The following CEP112 variants were observed in gnomAD, a reference collection of about 807,000 sequenced individuals.
CEP112 encodes the protein centrosomal protein 112, also known as centrosomal protein of 112 kDa.
A neutral mutation model predicts 153.0 loss-of-function variants in CEP112; 127 were observed. The ratio of observed to expected loss-of-function variants is 0.83; its 90% confidence interval spans 0.72 to 0.96. CEP112 has a LOEUF of 0.96. CEP112 is among the 40% of genes least tolerant of loss of function. CEP112 has a pLI of 0.00. For synonymous variants in CEP112, 358 were observed against 374.4 expected, an observed-to-expected ratio of 0.96 and a Z score of 0.51; for missense variants, 1,089 against 1,101.2, an observed-to-expected ratio of 0.99 and a Z score of 0.16.
intron 23 of CEP112, among the ~76,000 whole-genome samples, chr17:65,740,499 G>C (rs556357780): frequency 7.5e-4 from 114 of 152,232 alleles, no homozygotes; most frequent in Middle Eastern, 3.4e-3. Flanking sequence ...CACCTGACTG[G>C]TGACCCTTTA....
intron 10 of CEP112, among the ~76,000 whole-genome samples, chr17:66,065,284 C>G (rs2067072145): frequency 6.6e-6 from 1 of 152,158 alleles, no homozygotes; most frequent in Non-Finnish European, 1.5e-5. Context: ...CTGATCTCAC[C>G]ATTTTATAAT....
At chr17:66,062,845 T>A (rs1300903414) in intron 11 of CEP112, 118 bp downstream of exon 11, 1 of 481,972 alleles carries the variant, frequency 2.1e-6, no homozygotes, top group East Asian at 3.5e-5. Flanking sequence ...CAGCCTGGAA[T>A]TTTAGTTATT....
chr17:66,152,033 C>T (rs913139772), intron 4 of CEP112, among the ~76,000 whole-genome samples: 1 of 152,134 alleles, frequency 6.6e-6, no homozygotes, highest in East Asian at 1.9e-4. Context: ...AATGAAAACA[C>T]GTATAGCTAG....
intron 23 of CEP112, among the ~76,000 whole-genome samples, chr17:65,741,381 A>C (rs1335122380): frequency 6.6e-6 from 1 of 152,098 alleles, no homozygotes; most frequent in East Asian, 1.9e-4. Context: ...TGTATAATCT[A>C]AGTGAGTGAA....
At chr17:65,739,984 TATAG>T (rs948040132) in intron 23 of CEP112, among the ~76,000 whole-genome samples, 80 of 152,304 alleles carry the variant, frequency 5.3e-4, no homozygotes, top group African/African-American at 1.9e-3. Flanking sequence ...ATAGTTTAAA[TATAG>T]ATAAAATTAA....
chr17:65,845,999 A>G (rs973698249), intron 21 of CEP112, among the ~76,000 whole-genome samples: 1 of 152,198 alleles, frequency 6.6e-6, no homozygotes, highest in African/African-American at 2.4e-5. Context: ...TGCTACTGAA[A>G]CAACACAGAC....
At chr17:65,835,936 A>G (rs2057290229) in intron 21 of CEP112, among the ~76,000 whole-genome samples, 1 of 152,250 alleles carries the variant, frequency 6.6e-6, no homozygotes. Flanking sequence ...CAATATAAGA[A>G]GATTCAAATT....
chr17:66,157,052 G>A (rs2071474899), intron 4 of CEP112, among the ~76,000 whole-genome samples: 1 of 152,042 alleles, frequency 6.6e-6, no homozygotes, highest in African/African-American at 2.4e-5. Flanking sequence ...TCCTCAAGAA[G>A]AGCAACCCCA....
chr17:65,850,155 A>T (rs1359849884), intron 21 of CEP112, among the ~76,000 whole-genome samples: 1 of 143,656 alleles, frequency 7.0e-6, no homozygotes, highest in Non-Finnish European at 1.5e-5. Context: ...CTCTGTCTCA[A>T]AAAAAAAAAA....
chr17:65,902,178 G>A lies in CEP112; in HGVS notation c.2137C>T (p.Gln713Ter). 3 of 1,613,524 alleles carry A rather than the reference G, an allele frequency of 1.9e-6. No homozygotes were observed. Among genetic ancestry groups the A allele is most frequent in the Non-Finnish European group, 2.5e-6 (3 of 1,179,804 alleles). ...AANMEHENQIQEFKKRDAQVI... is the reference protein window; with the variant it reads ...AANMEHENQI Reference sequence around the variant, plus strand: ...TGTGCATCTCGTTTCTTGAACTCCTGAATTTGATTTTCGTGCTCCATATTG... The same window carrying A: ...TGTGCATCTCGTTTCTTGAACTCCTAAATTTGATTTTCGTGCTCCATATTG... Residue 713 changes from glutamine to a stop codon, truncating the protein, a stop_gained, in exon 20 of 27, where the codon CAG (glutamine) becomes TAG (stop). Transcript: ENST00000535342. LOFTEE classifies it high-confidence loss of function.
chr17:65,954,954 A>G (rs7218208), intron 18 of CEP112, among the ~76,000 whole-genome samples: 74,419 of 152,036 alleles, frequency 0.49, 19,119 homozygotes, highest in East Asian at 0.89. Context: ...GGAATAATTT[A>G]GGAAAACTTC....
rs564979669 is a variant in CEP112, at chr17:66,007,426, C to T, written c.1657-1657G>A. 7.2e-5 allele frequency among the ~76,000 whole-genome samples: 11 copies of T among 152,260 alleles called. 1 individual carries two copies. In the South Asian group the frequency reaches 2.3e-3, roughly 32 times the overall value. On this transcript the variant is annotated intron_variant, in intron 16 of 26. Coordinates refer to ENST00000535342, the MANE Select transcript of CEP112 (RefSeq NM_001199165.4). The stretch of plus-strand genomic sequence containing the variant: ...AAGAAGTCTGCTGTTCAAGTTTTTA[C>T]CATGTTCAAGTGTTTAATTATTATT...
rs1438171207 is a variant in CEP112 at position 65,750,698 on chromosome 17, C to G, written c.2421G>C (p.Glu807Asp). Residue 807 changes from glutamate to aspartate, a missense_variant, in exon 22 of 27, where the codon GAG becomes GAC. Transcript: ENST00000535342. ...EKANSKLKQIEKEYTQKLAKS... is the reference protein window; with the variant it reads ...EKANSKLKQIDKEYTQKLAKS... ...TGGCAAGCTTCTGAGTGTATTCCTTCTCAATCTGCTTCAGCTTGCTGTTGG... is the reference window on the plus strand; with the variant it reads ...TGGCAAGCTTCTGAGTGTATTCCTTGTCAATCTGCTTCAGCTTGCTGTTGG... 1 of 1,614,030 alleles carries G rather than the reference C, an allele frequency of 6.2e-7. No individual in the cohort carries two copies. Among genetic ancestry groups the G allele is most frequent in the Non-Finnish European group, 8.5e-7 (1 of 1,179,962 alleles).
At chr17:66,009,485 T>G (rs1417027734) in intron 16 of CEP112, among the ~76,000 whole-genome samples, 2 of 152,196 alleles carry the variant, frequency 1.3e-5, no homozygotes, top group Non-Finnish European at 2.9e-5. Context: ...TGCAAATATT[T>G]TCTCCCATTC....
At chr17:65,843,042 T>C (rs893109907) in intron 21 of CEP112, among the ~76,000 whole-genome samples, 5 of 152,130 alleles carry the variant, frequency 3.3e-5, no homozygotes, top group African/African-American at 1.2e-4. Flanking sequence ...AATTATCCTA[T>C]AAAAAGTGTT....
chr17:66,181,701 T>G (rs573683722), intron 2 of CEP112, among the ~76,000 whole-genome samples: 1 of 152,152 alleles, frequency 6.6e-6, no homozygotes, highest in East Asian at 1.9e-4. Flanking sequence ...ATGGTTTGAT[T>G]TGAAATACAT....
intron 17 of CEP112, among the ~76,000 whole-genome samples, chr17:65,969,835 A>C (rs1387177315): frequency 1.8e-5 from 1 of 54,996 alleles, no homozygotes; most frequent in Non-Finnish European, 4.2e-5. Context: ...TTACAAGCAT[A>C]TCATCTATAT....
chr17:65,875,458 T>A (rs1289521432), intron 20 of CEP112, among the ~76,000 whole-genome samples: 1 of 152,130 alleles, frequency 6.6e-6, no homozygotes, highest in Non-Finnish European at 1.5e-5. Context: ...CAGTTATCTG[T>A]TTTCAACTCT....
At chr17:66,057,383 G>T (rs1448257655) in intron 11 of CEP112, among the ~76,000 whole-genome samples, 3 of 152,182 alleles carry the variant, frequency 2.0e-5, no homozygotes, top group Non-Finnish European at 4.4e-5. Context: ...TACTGGGTAG[G>T]TATATCCCTC....
Sources: allele counts gnomAD v4.1 joint callset (sites outside exome capture counted in the v4.1 genomes callset), GRCh38; gene constraint gnomAD v4.1.1; transcripts MANE v1.5; gene names NCBI Gene and HGNC (gene_info 2026-07-23, HGNC 2026-07-21).